The following PPP6C variants were observed in gnomAD, a reference collection of about 807,000 sequenced individuals.
PPP6C encodes serine/threonine-protein phosphatase 6 catalytic subunit.
Under a neutral mutation model 39.8 loss-of-function variants are expected in PPP6C, and 11 were observed. That is an observed-to-expected ratio of 0.28 (90% CI 0.17 to 0.46). The LOEUF (loss-of-function observed/expected upper bound fraction) is 0.46. Ranked by LOEUF, PPP6C falls within the 20% of genes least tolerant of loss-of-function variation. PPP6C has a pLI of 1.00. For missense variants in PPP6C, 211 were observed against 373.9 expected (o/e 0.56, Z 3.59); for synonymous variants, 129 against 130.3 (o/e 0.99, Z 0.07).
At chr9:125,169,331 G>C (rs1327321632) in intron 2 of PPP6C, among the ~76,000 whole-genome samples, 1 of 152,182 alleles carries the variant, frequency 6.6e-6, no homozygotes, top group Non-Finnish European at 1.5e-5. Flanking sequence ...ATATATGTTA[G>C]CAAGAACTGC....
At position 125,147,706 on chromosome 9, in the gene PPP6C, T is replaced by C. The variant is rs751701287; in HGVS notation, c.*1967A>G. On this transcript the variant is annotated 3_prime_UTR_variant, in exon 7 of 7. Coordinates refer to ENST00000373547, the MANE Select transcript of PPP6C (RefSeq NM_002721.5). Reference sequence around the variant, plus strand: ...GGGATAACAAAAACAACTACATCAATCTAAGCTAAGGAGTGTCAAACAGGG... The same window carrying C: ...GGGATAACAAAAACAACTACATCAACCTAAGCTAAGGAGTGTCAAACAGGG... 2.0e-5 allele frequency: 3 copies of C among 151,890 alleles called. No individual in the cohort carries two copies. Among genetic ancestry groups the C allele is most frequent in the Non-Finnish European group, 4.4e-5 (3 of 67,974 alleles). 9.4% of individuals were successfully genotyped at this position (151,890 alleles called of 1,614,324 possible).
At chr9:125,180,525 C>G (rs571685073) in intron 1 of PPP6C, among the ~76,000 whole-genome samples, 1 of 152,166 alleles carries the variant, frequency 6.6e-6, no homozygotes, top group African/African-American at 2.4e-5. Context: ...CAGGTTCAAG[C>G]GATTCTCCTG....
chr9:125,158,174 G>A, intron 4 of PPP6C, 67 bp downstream of exon 4: 3 of 1,458,108 alleles, frequency 2.1e-6, no homozygotes, highest in Non-Finnish European at 2.8e-6. Flanking sequence ...TGTATGACTT[G>A]TGTAGCTTTG....
intron 1 of PPP6C, chr9:125,188,843 G>A (rs1829592754): frequency 1.4e-6 from 1 of 731,916 alleles, no homozygotes. Flanking sequence ...AAAAAGAAAA[G>A]CAGTATACCA....
chr9:125,167,958 C>T (rs945696096), intron 2 of PPP6C, among the ~76,000 whole-genome samples: 1 of 151,744 alleles, frequency 6.6e-6, no homozygotes, highest in Non-Finnish European at 1.5e-5. Flanking sequence ...CCCAGCCAGA[C>T]TTTTCAAATA....
At chr9:125,172,726 C>T (rs867973604) in intron 1 of PPP6C, among the ~76,000 whole-genome samples, 1 of 126,652 alleles carries the variant, frequency 7.9e-6, no homozygotes, top group Non-Finnish European at 1.5e-5. Flanking sequence ...CACAAACACA[C>T]ACACACACAC....
intron 4 of PPP6C, 73 bp from the exon 5 acceptor site, chr9:125,154,058 C>T (rs1256828724): frequency 8.7e-7 from 1 of 1,143,748 alleles, no homozygotes; most frequent in Non-Finnish European, 1.3e-6. Context: ...AATACTAGAG[C>T]AGCCTTCAGT....
intron 1 of PPP6C, among the ~76,000 whole-genome samples, chr9:125,176,902 A>C (rs1037934177): frequency 2.0e-5 from 3 of 152,204 alleles, no homozygotes; most frequent in African/African-American, 7.2e-5. Context: ...AAGAGAAAGT[A>C]AAGAATCAAG....
chr9:125,169,695 T>C (rs1356244620), intron 2 of PPP6C, among the ~76,000 whole-genome samples: 1 of 152,218 alleles, frequency 6.6e-6, no homozygotes, highest in Non-Finnish European at 1.5e-5. Context: ...TTAATATCCT[T>C]TATGTTAGCA....
intron 1 of PPP6C, among the ~76,000 whole-genome samples, chr9:125,187,662 C>A (rs1031284055): frequency 6.6e-6 from 1 of 151,822 alleles, no homozygotes; most frequent in Admixed American, 6.6e-5. Context: ...AGAAAAAATT[C>A]CATGTCAATT....
At chr9:125,151,256 G>C (rs1369208103) in intron 6 of PPP6C, 6 of 1,501,456 alleles carry the variant, frequency 4.0e-6, no homozygotes, top group Middle Eastern at 1.7e-4. Context: ...CATGGTGCTT[G>C]TGGGAGATGT....
chr9:125,158,429 A>C (rs371626857), intron 3 of PPP6C, 47 bp from the exon 4 acceptor site: 12 of 1,554,954 alleles, frequency 7.7e-6, no homozygotes, highest in Non-Finnish European at 1.1e-5. Context: ...TAGCCACAAT[A>C]TTCTTTTCAA....
At chr9:125,151,385 A>C (rs896801242) in intron 6 of PPP6C, 1 of 1,035,086 alleles carries the variant, frequency 9.7e-7, no homozygotes, top group Admixed American at 1.7e-5. Context: ...CTTGACTCAC[A>C]GAATCTTCTC....
rs1835872230 is a variant in PPP6C at position 125,148,993 on chromosome 9, T to A, written c.*680A>T. ...TTTAAAATTTCTAACACTTAACCTA[T>A]CTGAGTTTTATTTAAGATTACTTTA... On this transcript the variant is annotated 3_prime_UTR_variant, in exon 7 of 7. Coordinates refer to ENST00000373547, the MANE Select transcript of PPP6C (RefSeq NM_002721.5). The A allele has an allele frequency of 6.6e-6, 1 of 151,982 alleles. No individual in the cohort carries two copies. Among genetic ancestry groups the A allele is most frequent in the Non-Finnish European group, 1.5e-5 (1 of 67,944 alleles). 9.4% of individuals were successfully genotyped at this position (151,982 alleles called of 1,614,324 possible).
At chr9:125,184,746 G>A (rs1485251890) in intron 1 of PPP6C, among the ~76,000 whole-genome samples, 1 of 151,972 alleles carries the variant, frequency 6.6e-6, no homozygotes, top group Non-Finnish European at 1.5e-5. Flanking sequence ...GCCGAGGTGG[G>A]CGGATCACCT....
At chr9:125,166,535 C>CTTTT (rs1169190980) in intron 2 of PPP6C, among the ~76,000 whole-genome samples, 3 of 134,462 alleles carry the variant, frequency 2.2e-5, no homozygotes, top group Non-Finnish European at 3.2e-5. Flanking sequence ...TTTTCTTTTT[C>CTTTT]TTTTTTTTTT....
intron 1 of PPP6C, among the ~76,000 whole-genome samples, chr9:125,174,317 GA>G (rs1401474081): frequency 6.6e-6 from 1 of 152,146 alleles, no homozygotes; most frequent in South Asian, 2.1e-4. Flanking sequence ...ATGGGAGTGG[GA>G]GGGGGGAAAA....
At position 125,149,623 on chromosome 9, in the gene PPP6C, T is replaced by C. The variant is rs200925753; in HGVS notation, c.*50A>G. 5.5e-5 allele frequency: 87 copies of C among 1,580,974 alleles called. No homozygotes were observed. The East Asian group carries it at 8.5e-4, about 16-fold the overall frequency. ...TATTGTAGAGGGTAATACAAGAAAA[T>C]TGGGGTAAGAAGAGGGCAGAAAAAT... On this transcript the variant is annotated 3_prime_UTR_variant, in exon 7 of 7. Transcript: ENST00000373547.
In PPP6C at chr9:125,189,656, C is replaced by T. The variant is rs1829620799; in HGVS notation, c.63G>A (p.Glu21=). 1 of 1,612,978 alleles carries T rather than the reference C, an allele frequency of 6.2e-7. No homozygotes were observed. The highest frequency in any genetic ancestry group is 1.1e-5 in the South Asian group (1 of 91,082). Residue 21 remains glutamate (E), a synonymous_variant, in exon 1 of 7, where the codon GAG becomes GAA. Transcript: ENST00000373547. ...EIARLCKYLP[E]NDLKRLCDYV... ...AAATAGGGCTCACCTTCAGGTCGTT[C>T]TCTGGCAGGTACTTGCACAGCCGCG...
Sources: gnomAD v4.1 joint callset for allele counts (sites outside exome capture counted in the v4.1 genomes callset) on GRCh38, gnomAD v4.1.1 for gene constraint, MANE v1.5 for transcripts, NCBI Gene and HGNC (gene_info 2026-07-23, HGNC 2026-07-21) for gene names.